The following B3GALT1 variants were observed in gnomAD, a reference collection of about 807,000 sequenced individuals.
B3GALT1 encodes the protein UDP-Gal:betaGlcNAc beta 1,3-galactosyltransferase, polypeptide 1.
B3GALT1 carries 10 observed loss-of-function variants against 23.2 expected under a neutral mutation model. That is an observed-to-expected ratio of 0.43 (90% CI 0.27 to 0.73). B3GALT1 has a LOEUF of 0.73. B3GALT1 is among the 30% of genes least tolerant of loss of function. The pLI is 0.21. For synonymous variants in B3GALT1, 156 were observed against 141.5 expected (o/e 1.10, Z -0.73); for missense variants, 299 against 405.4 (o/e 0.74, Z 2.25).
At chr2:167,559,040 C>T (rs1312914990) in intron 2 of B3GALT1, among the ~76,000 whole-genome samples, 2 of 152,230 alleles carry the variant, frequency 1.3e-5, no homozygotes, top group Non-Finnish European at 2.9e-5. Flanking sequence ...CCCTGAGCAG[C>T]CTAACTGGGA....
chr2:167,318,338 A>AAC (rs1485324598), intron 1 of B3GALT1, among the ~76,000 whole-genome samples: 1 of 152,006 alleles, frequency 6.6e-6, no homozygotes, highest in Non-Finnish European at 1.5e-5. Flanking sequence ...CAAACAAACA[A>AAC]ACAATTAAGC....
chr2:167,803,500 T>A (rs1236082028), intron 3 of B3GALT1, among the ~76,000 whole-genome samples: 1 of 152,190 alleles, frequency 6.6e-6, no homozygotes, highest in Non-Finnish European at 1.5e-5. Context: ...GTAGCTCTAT[T>A]GTTTTTGGAA....
chr2:167,847,203 C>T (rs1385410220), intron 4 of B3GALT1, among the ~76,000 whole-genome samples: 2 of 152,156 alleles, frequency 1.3e-5, no homozygotes, highest in Admixed American at 6.5e-5. Flanking sequence ...GTCATCAAGA[C>T]AGAAAGTCAG....
intron 1 of B3GALT1, among the ~76,000 whole-genome samples, chr2:167,451,815 G>A (rs748333342): frequency 4.6e-5 from 7 of 152,182 alleles, no homozygotes; most frequent in Non-Finnish European, 8.8e-5. Context: ...TGGGTTCAGG[G>A]TGATGTATGT....
At chr2:167,360,771 A>G (rs767043427) in intron 1 of B3GALT1, among the ~76,000 whole-genome samples, 83 of 152,144 alleles carry the variant, frequency 5.5e-4, no homozygotes, top group Admixed American at 9.8e-4. Context: ...ATTATTAACT[A>G]TAATTTCCTT....
intron 3 of B3GALT1, among the ~76,000 whole-genome samples, chr2:167,668,631 T>G (rs9287884): frequency 0.94 from 143,263 of 152,240 alleles, 67,782 homozygotes; most frequent in Middle Eastern, 0.99. Context: ...CTCCAAGCCA[T>G]GTGGGGGATA....
chr2:167,769,386 C>T (rs147063976), intron 3 of B3GALT1, among the ~76,000 whole-genome samples: 114 of 152,226 alleles, frequency 7.5e-4, no homozygotes, highest in Non-Finnish European at 1.5e-3. Flanking sequence ...CTTCTTTTTT[C>T]GGTACTTTGA....
At chr2:167,853,072 A>C (rs1689934989) in intron 4 of B3GALT1, among the ~76,000 whole-genome samples, 1 of 152,218 alleles carries the variant, frequency 6.6e-6, no homozygotes, top group East Asian at 1.9e-4. Flanking sequence ...TGAGGTAAGG[A>C]AACAACCAAC....
At chr2:167,490,598 T>C (rs1265298916) in intron 2 of B3GALT1, among the ~76,000 whole-genome samples, 1 of 152,118 alleles carries the variant, frequency 6.6e-6, no homozygotes, top group East Asian at 1.9e-4. Context: ...ACATGGAAAA[T>C]GGTAATATTC....
chr2:167,740,139 T>TAAATAAATAAAA (rs1335112661), intron 3 of B3GALT1, among the ~76,000 whole-genome samples: 1 of 149,512 alleles, frequency 6.7e-6, no homozygotes, highest in Admixed American at 6.7e-5. Context: ...AATAAATAAA[T>TAAATAAATAAAA]AGAAAAGAAA....
chr2:167,440,472 G>T (rs1162145251), intron 1 of B3GALT1, among the ~76,000 whole-genome samples: 1 of 151,666 alleles, frequency 6.6e-6, no homozygotes, highest in Non-Finnish European at 1.5e-5. Context: ...GCTGAGGTTT[G>T]AATTATTCTT....
chr2:167,726,505 A>G (rs1687317978), intron 3 of B3GALT1, among the ~76,000 whole-genome samples: 1 of 152,208 alleles, frequency 6.6e-6, no homozygotes, highest in Admixed American at 6.5e-5. Context: ...CCCCCAAAGT[A>G]TTCCTCCATT....
chr2:167,662,546 T>G (rs1203780543), intron 3 of B3GALT1, among the ~76,000 whole-genome samples: 1 of 152,138 alleles, frequency 6.6e-6, no homozygotes, highest in African/African-American at 2.4e-5. Context: ...TCCCAAAGAC[T>G]GTTATAATAG....
intron 1 of B3GALT1, among the ~76,000 whole-genome samples, chr2:167,391,033 T>G (rs1167004525): frequency 6.6e-6 from 1 of 152,210 alleles, no homozygotes; most frequent in East Asian, 1.9e-4. Flanking sequence ...TGCTTTAAGA[T>G]TTCTCACCTC....
intron 3 of B3GALT1, among the ~76,000 whole-genome samples, chr2:167,799,542 A>G (rs1320167719): frequency 1.3e-5 from 2 of 152,208 alleles, no homozygotes; most frequent in Non-Finnish European, 2.9e-5. Flanking sequence ...CATCTTCAGA[A>G]CCCAAGAAAA....
chr2:167,671,319 G>A (rs1686322545), intron 3 of B3GALT1, among the ~76,000 whole-genome samples: 1 of 152,072 alleles, frequency 6.6e-6, no homozygotes, highest in Non-Finnish European at 1.5e-5. Context: ...GAACCTAACA[G>A]ACAAATACAG....
chr2:167,308,804 C>T (rs1021073078), intron 1 of B3GALT1, among the ~76,000 whole-genome samples: 2 of 152,000 alleles, frequency 1.3e-5, no homozygotes, highest in African/African-American at 4.8e-5. Flanking sequence ...AGTGGCCTGG[C>T]AAGTGACTTG....
intron 1 of B3GALT1, among the ~76,000 whole-genome samples, chr2:167,340,490 ATAGT>A (rs769033055): frequency 8.5e-5 from 13 of 152,160 alleles, no homozygotes; most frequent in Non-Finnish European, 1.9e-4. Flanking sequence ...GACCAAAAAA[ATAGT>A]TAAATTTTTG....
intron 1 of B3GALT1, among the ~76,000 whole-genome samples, chr2:167,473,092 T>A (rs1395019367): frequency 6.6e-6 from 1 of 152,156 alleles, no homozygotes; most frequent in Non-Finnish European, 1.5e-5. Context: ...ACCTTAACAG[T>A]GTGTTTGCAG....
Sources: allele counts gnomAD v4.1 joint callset (sites outside exome capture counted in the v4.1 genomes callset), GRCh38; gene constraint gnomAD v4.1.1; transcripts MANE v1.5; gene names NCBI Gene and HGNC (gene_info 2026-07-23, HGNC 2026-07-21).